ACSL6: variants seen among roughly 807,000 people sequenced by gnomAD.
The protein encoded by ACSL6 is long-chain-fatty-acid--CoA ligase 6.
ACSL6 carries 47 observed loss-of-function variants against 98.2 expected under a neutral mutation model. The observed-to-expected ratio is 0.48, with a 90% CI of 0.38 to 0.61. The LOEUF (loss-of-function observed/expected upper bound fraction) is 0.61, where lower values mean the gene tolerates loss of function less well. Ranked by LOEUF, ACSL6 falls within the 20% of genes least tolerant of loss-of-function variation. The probability of loss-of-function intolerance (pLI) is 0.00; values close to 1 mark genes in which losing one functional copy is unlikely to be tolerated. For synonymous variants in ACSL6, 362 were observed against 336.9 expected (o/e 1.07, Z -0.82); for missense variants, 761 against 913.4 (o/e 0.83, Z 2.15).
Position 131,981,336 on chromosome 5 carries a change from A to C in ACSL6, c.916+4071T>G, listed in dbSNP as rs549160878. 4.3e-3 allele frequency among the ~76,000 whole-genome samples: 653 copies of C among 151,772 alleles called. 6 individuals carry two copies. Among genetic ancestry groups the C allele is most frequent in the African/African-American group, 0.014 (566 of 41,430 alleles). On this transcript the variant is annotated intron_variant, in intron 9 of 20. Coordinates refer to ENST00000651883, the MANE Select transcript of ACSL6 (RefSeq NM_001009185.3). ...TAGTCAACTATTAAAAAAAAAAAAA[A>C]AAAAAAAAACACAACTTTCTCCTCA...
chr5:131,977,364 G>A (rs1753675188), intron 9 of ACSL6, among the ~76,000 whole-genome samples: 1 of 152,180 alleles, frequency 6.6e-6, no homozygotes, highest in African/African-American at 2.4e-5. Context: ...TCAGAGGGTA[G>A]AGATGGCTAG....
At chr5:131,955,618 A>G (rs1232312494) in intron 20 of ACSL6, among the ~76,000 whole-genome samples, 1 of 152,176 alleles carries the variant, frequency 6.6e-6, no homozygotes, top group Non-Finnish European at 1.5e-5. Flanking sequence ...GGTGCTTAGG[A>G]GGAAAAGTGT....
chr5:131,967,798 G>C, intron 16 of ACSL6, 142 bp downstream of exon 16: 1 of 645,516 alleles, frequency 1.5e-6, no homozygotes, highest in South Asian at 2.4e-5. Context: ...AGGAGATGCT[G>C]AGTTGAGCTG....
intron 1 of ACSL6, among the ~76,000 whole-genome samples, chr5:132,003,441 C>G (rs1755202871): frequency 6.6e-6 from 1 of 152,250 alleles, no homozygotes; most frequent in African/African-American, 2.4e-5. Context: ...GCACTGGGAA[C>G]TCAGGCCTCC....
chr5:132,011,605 C>T lies in ACSL6; in HGVS notation c.-52G>A. 7.2e-7 allele frequency: 1 copy of T among 1,388,940 alleles called. No individual in the cohort carries two copies. Among genetic ancestry groups the T allele is most frequent in the Non-Finnish European group, 9.3e-7 (1 of 1,073,280 alleles). 86.0% of individuals were successfully genotyped at this position (1,388,940 alleles called of 1,614,324 possible). A position where few individuals can be genotyped will look rare whatever the true frequency, so the allele number is the denominator to read the frequency against. On this transcript the variant is annotated 5_prime_UTR_variant, in exon 1 of 21. Transcript: ENST00000651883. This position sits in a 1 kb window ranked among gnomAD's most constrained non-coding sequence, Gnocchi z 5.4. ...CGGCCCGGCCTCCCCGACCCGCAGCCCCGCAGCCCCGCAGCCCAGCAGCCC... is the reference window on the plus strand; with the variant it reads ...CGGCCCGGCCTCCCCGACCCGCAGCTCCGCAGCCCCGCAGCCCAGCAGCCC...
chr5:131,954,446 A>T, intron 20 of ACSL6, 75 bp from the exon 21 acceptor site: 2 of 1,430,296 alleles, frequency 1.4e-6, no homozygotes, highest in Non-Finnish European at 1.9e-6. Context: ...TAAAAAGCAA[A>T]CAGGCACATG....
Position 132,011,630 on chromosome 5 carries a change from C to A in ACSL6, c.-77G>T. On this transcript the variant is annotated 5_prime_UTR_variant, in exon 1 of 21. Transcript: ENST00000651883. The surrounding 1 kb of genome is among the most constrained non-coding windows in gnomAD (Gnocchi z 5.4). The stretch of plus-strand genomic sequence containing the variant: ...CCCGCAGCCCCGCAGCCCAGCAGCC[C>A]CAGCAGTAGCCGCGCCGCCGCCGCC... 7.9e-7 allele frequency: 1 copy of A among 1,268,946 alleles called. No homozygotes were observed. The highest frequency in any genetic ancestry group is 9.9e-7 in the Non-Finnish European group (1 of 1,005,426). The allele number at this position is 1,268,946 out of a possible 1,614,324, so 78.6% of individuals were successfully genotyped here. A position where few individuals can be genotyped will look rare whatever the true frequency, so the allele number is the denominator to read the frequency against.
At chr5:131,958,057 G>GT (rs775487044) in intron 20 of ACSL6, among the ~76,000 whole-genome samples, 91 of 152,324 alleles carry the variant, frequency 6.0e-4, no homozygotes, top group Non-Finnish European at 4.1e-4. Context: ...TCTCCTCTCA[G>GT]TGAAAGCTCT....
At chr5:132,011,684 C>G (rs1025411015), upstream of ACSL6, 5 of 1,269,332 alleles carry the variant, frequency 3.9e-6, no homozygotes, top group Admixed American at 2.1e-4. This position sits in a 1 kb window ranked among gnomAD's most constrained non-coding sequence, Gnocchi z 5.4. Flanking sequence ...CCCCCGCCCT[C>G]CGGCCCCGCA....
At chr5:131,986,601 G>A (rs77937) in intron 8 of ACSL6, among the ~76,000 whole-genome samples, 1 of 152,062 alleles carries the variant, frequency 6.6e-6, no homozygotes, top group Non-Finnish European at 1.5e-5. Context: ...AGGATTGGCA[G>A]CTCTTTTTTC....
intron 15 of ACSL6, among the ~76,000 whole-genome samples, chr5:131,969,514 T>A (rs1166406257): frequency 3.9e-5 from 6 of 152,208 alleles, no homozygotes; most frequent in African/African-American, 1.4e-4. Flanking sequence ...ATAGAAGTTA[T>A]GCACAAAAGA....
At chr5:131,969,039 C>G (rs1753166009) in intron 15 of ACSL6, among the ~76,000 whole-genome samples, 1 of 152,194 alleles carries the variant, frequency 6.6e-6, no homozygotes, top group African/African-American at 2.4e-5. Context: ...AGAATCTGCT[C>G]TACATCTGAT....
intron 7 of ACSL6, 76 bp from the exon 8 acceptor site, chr5:131,986,930 C>G: frequency 6.7e-7 from 1 of 1,502,282 alleles, no homozygotes; most frequent in Non-Finnish European, 9.2e-7. Context: ...GTCTCTGTCT[C>G]TTTCTCTCAC....
Position 131,952,524 on chromosome 5 carries a change from A to T in ACSL6, c.*1710T>A, listed in dbSNP as rs1050007719. On this transcript the variant is annotated 3_prime_UTR_variant, in exon 21 of 21. Coordinates refer to ENST00000651883, the MANE Select transcript of ACSL6 (RefSeq NM_001009185.3). ...AGGAGCTTCTAGACTACAAACACTG[A>T]GCACATACATTTTAAATTAACACAT... is the stretch of plus-strand genomic sequence containing the variant. 9.3e-6 allele frequency: 2 copies of T among 216,150 alleles called. No homozygotes were observed. Among genetic ancestry groups the T allele is most frequent in the African/African-American group, 4.5e-5 (2 of 44,396 alleles). The allele number at this position is 216,150 out of a possible 1,614,324, so 13.4% of individuals were successfully genotyped here.
rs6892728 is a variant in ACSL6 at position 131,996,813 on chromosome 5, A to T, written c.50-2562T>A. ...TTGGGCCTGCCCTCGGTCCCCTGGG[A>T]AGGACACATGAGGAAATGGGCAGTG... On this transcript the variant is annotated intron_variant, in intron 1 of 20. Transcript: ENST00000651883. Among the ~76,000 whole-genome samples, 1,384 of 152,272 alleles carry T rather than the reference A, an allele frequency of 9.1e-3. 17 individuals carry two copies. Among genetic ancestry groups the T allele is most frequent in the African/African-American group, 0.031 (1,284 of 41,538 alleles).
At position 131,991,047 on chromosome 5, in the gene ACSL6, G is replaced by A; in HGVS notation, c.271-80C>T. 9 of 1,243,796 alleles carry A rather than the reference G, an allele frequency of 7.2e-6. No individual in the cohort carries two copies. In the Admixed American group the frequency reaches 1.1e-4, roughly 15 times the overall value. The allele number at this position is 1,243,796 out of a possible 1,614,324, so 77.0% of individuals were successfully genotyped here. On this transcript the variant is annotated intron_variant, in intron 2 of 20. Transcript: ENST00000651883. ...AGAGGGCCGCAGCATGCACAAGGCTGTACCCAGCTCGGATGTACAACCCGT... is the reference window on the plus strand; with the variant it reads ...AGAGGGCCGCAGCATGCACAAGGCTATACCCAGCTCGGATGTACAACCCGT...
intron 20 of ACSL6, among the ~76,000 whole-genome samples, chr5:131,959,272 C>T (rs528511460): frequency 2.4e-4 from 36 of 152,322 alleles, no homozygotes; most frequent in African/African-American, 7.7e-4. Context: ...ATCATGTACA[C>T]ATGATTTACT....
intron 16 of ACSL6, among the ~76,000 whole-genome samples, chr5:131,967,392 G>A (rs1028072332): frequency 4.6e-5 from 7 of 152,086 alleles, no homozygotes; most frequent in Middle Eastern, 3.4e-3. Context: ...GGCCAGGCAC[G>A]GTGGCTCACG....
At chr5:131,999,854 C>T (rs1754988487) in intron 1 of ACSL6, among the ~76,000 whole-genome samples, 2 of 152,202 alleles carry the variant, frequency 1.3e-5, no homozygotes, top group African/African-American at 4.8e-5. Context: ...CCCTGCTTTT[C>T]CCCTCACCCC....
Sources: gnomAD v4.1 joint callset for allele counts (sites outside exome capture counted in the v4.1 genomes callset) on GRCh38, gnomAD v4.1.1 for gene constraint, Gnocchi (gnomAD v3.1) non-coding constraint, MANE v1.5 for transcripts, NCBI Gene and HGNC (gene_info 2026-07-23, HGNC 2026-07-21) for gene names.